The following DNAH10 variants were observed in gnomAD, a reference collection of about 807,000 sequenced individuals.
DNAH10 encodes axonemal beta dynein heavy chain 10.
Under a neutral mutation model 506.6 loss-of-function variants are expected in DNAH10, and 348 were observed. That is an observed-to-expected ratio of 0.69 (90% confidence interval 0.63 to 0.75). The LOEUF (loss-of-function observed/expected upper bound fraction) is 0.75. Among genes scored for constraint, DNAH10 ranks in the 30% least tolerant of loss-of-function variants. The pLI is 0.00. For missense variants in DNAH10, 5,179 were observed against 5,787.1 expected (o/e 0.89, Z 3.41); for synonymous variants, 2,059 against 2,198.6 (o/e 0.94, Z 1.78).
chr12:123,764,595 T>C (rs1388023007), intron 1 of DNAH10, among the ~76,000 whole-genome samples: 1 of 152,184 alleles, frequency 6.6e-6, no homozygotes, highest in African/African-American at 2.4e-5. Context: ...TTGTCTGCTG[T>C]GTTTACTAGC....
intron 50 of DNAH10, among the ~76,000 whole-genome samples, chr12:123,881,139 G>A (rs1223574497): frequency 6.6e-6 from 1 of 152,158 alleles, no homozygotes; most frequent in Non-Finnish European, 1.5e-5. Context: ...ATAGCAGCAT[G>A]ATTTGTAATC....
intron 52 of DNAH10, among the ~76,000 whole-genome samples, chr12:123,892,708 GA>G (rs1344410991): frequency 6.6e-6 from 1 of 152,220 alleles, no homozygotes; most frequent in Non-Finnish European, 1.5e-5. Context: ...GTAGATATAG[GA>G]AAAAAGAAGT....
In DNAH10 at chr12:123,820,571, A is replaced by G. The variant is rs1398140776; in HGVS notation, c.4001-9A>G. On this transcript the variant is annotated splice_polypyrimidine_tract_variant and intron_variant, in intron 23 of 78. Coordinates refer to ENST00000673944, the MANE Select transcript of DNAH10 (RefSeq NM_001372106.1). ...TATTTATTCACTCATCGGTGTATTT[A>G]TTTACTAGGAGTAGAGCTTTTAGGT... The G allele has an allele frequency of 6.2e-7, 1 of 1,611,970 alleles. No homozygotes were observed. Among genetic ancestry groups the G allele is most frequent in the Non-Finnish European group, 8.5e-7 (1 of 1,179,102 alleles).
chr12:123,826,152 T>G (rs1653904767), intron 24 of DNAH10, among the ~76,000 whole-genome samples: 1 of 152,150 alleles, frequency 6.6e-6, no homozygotes, highest in African/African-American at 2.4e-5. Flanking sequence ...ATTTTTACAT[T>G]AAATCTCAGG....
chr12:123,841,700 T>G (rs1950782004), intron 30 of DNAH10, among the ~76,000 whole-genome samples, 155 bp downstream of exon 30: 1 of 152,178 alleles, frequency 6.6e-6, no homozygotes, highest in African/African-American at 2.4e-5. Flanking sequence ...TTTATTTTTA[T>G]TTTTTTGAGA....
chr12:123,923,571 G>A (rs1287029801), intron 65 of DNAH10, 192 bp from the exon 66 acceptor site: 2 of 496,496 alleles, frequency 4.0e-6, no homozygotes, highest in African/African-American at 4.0e-5. Flanking sequence ...ACAGACTGGG[G>A]CATGACCTAG....
intron 29 of DNAH10, among the ~76,000 whole-genome samples, chr12:123,840,394 GTTTTTTTT>G (rs71088961): frequency 1.1e-4 from 4 of 37,758 alleles, no homozygotes; most frequent in African/African-American, 3.6e-4. Context: ...TCTGTTTCCA[GTTTTTTTT>G]TTTTTTTTTT....
At chr12:123,870,840 G>A (rs1594246639) in intron 44 of DNAH10, among the ~76,000 whole-genome samples, 1 of 152,234 alleles carries the variant, frequency 6.6e-6, no homozygotes, top group East Asian at 1.9e-4. Flanking sequence ...AACGAACGAG[G>A]CAGTGTTTTA....
In DNAH10 at chr12:123,875,252, C is replaced by T; in HGVS notation, c.7960C>T (p.Gln2654Ter). 6.2e-7 allele frequency: 1 copy of T among 1,611,202 alleles called. No homozygotes were observed. Among genetic ancestry groups the T allele is most frequent in the Non-Finnish European group, 8.5e-7 (1 of 1,178,478 alleles). ...CAAGGTGGATGAATATGGCACGCAG[C>T]AGCCCATTGCCTTGCTGAAGCTGCT... ...MPRVDEYGTQQPIALLKLLLE... is the reference protein window; with the variant it reads ...MPRVDEYGTQ The change falls in exon 47 of 79, where the codon CAG becomes TAG. Residue 2654 changes from glutamine to a stop codon, truncating the protein, a stop_gained. Coordinates refer to ENST00000673944, the MANE Select transcript of DNAH10 (RefSeq NM_001372106.1). LOFTEE classifies it high-confidence loss of function.
In DNAH10 at chr12:123,928,936, T is replaced by C. The variant is rs1278646257; in HGVS notation, c.12307-339T>C. The C allele has an allele frequency of 8.5e-6, 4 of 472,792 alleles. No homozygotes were observed. The highest frequency in any genetic ancestry group is 1.5e-5 in the Non-Finnish European group (4 of 266,798). The allele number at this position is 472,792 out of a possible 1,614,324, so 29.3% of individuals were successfully genotyped here. The stretch of plus-strand genomic sequence containing the variant: ...CGTGGTTTACATGCCCCATTTAATT[T>C]ATTCTCCGGGAAATTCTTTTGGAAA... On this transcript the variant is annotated intron_variant, in intron 70 of 78. Coordinates refer to ENST00000673944, the MANE Select transcript of DNAH10 (RefSeq NM_001372106.1). The surrounding 1 kb of genome is among the most constrained non-coding windows in gnomAD (Gnocchi z 4.9).
Position 123,866,034 on chromosome 12 carries a change from A to G in DNAH10, c.7128A>G (p.Arg2376=). ...TGGATCCTAAAAACTTGAAATATCGACCATACTGGAAAAAATGGGTTAATC... is the reference window on the plus strand; with the variant it reads ...TGGATCCTAAAAACTTGAAATATCGGCCATACTGGAAAAAATGGGTTAATC... ...VYVDPKNLKY[R]PYWKKWVNQI... The change falls in exon 41 of 79, where the codon CGA becomes CGG. Residue 2376 remains arginine (R), a synonymous_variant. Coordinates refer to ENST00000673944, the MANE Select transcript of DNAH10 (RefSeq NM_001372106.1). 6.2e-7 allele frequency: 1 copy of G among 1,611,512 alleles called. No individual in the cohort carries two copies. Among genetic ancestry groups the G allele is most frequent in the African/African-American group, 1.3e-5 (1 of 74,916 alleles).
chr12:123,896,336 T>C (rs879331232), intron 54 of DNAH10, among the ~76,000 whole-genome samples: 1 of 152,202 alleles, frequency 6.6e-6, no homozygotes, highest in East Asian at 1.9e-4. Flanking sequence ...CTGCAGAATC[T>C]GGATTAATCG....
At chr12:123,843,654 T>G (rs2136636960) in intron 30 of DNAH10, among the ~76,000 whole-genome samples, 1 of 152,348 alleles carries the variant, frequency 6.6e-6, no homozygotes, top group South Asian at 2.1e-4. Context: ...CTCGGCTTAC[T>G]ACAACCTCCG....
Position 123,853,693 on chromosome 12 carries a change from T to A in DNAH10, c.6438+341T>A, listed in dbSNP as rs1460427291. 6.6e-6 allele frequency among the ~76,000 whole-genome samples: 1 copy of A among 152,166 alleles called. No individual in the cohort carries two copies. The highest frequency in any genetic ancestry group is 1.5e-5 in the Non-Finnish European group (1 of 68,026). ...ATGAAGGTGAGTTGTTATTTTCTCT[T>A]TGAAACAAAAGAGGGGAACAATTGT... On this transcript the variant is annotated intron_variant, in intron 36 of 78. Transcript: ENST00000673944. This position sits in a 1 kb window ranked among gnomAD's most constrained non-coding sequence, Gnocchi z 4.7.
At chr12:123,890,256 T>A (rs908036508) in intron 52 of DNAH10, among the ~76,000 whole-genome samples, 7 of 152,118 alleles carry the variant, frequency 4.6e-5, no homozygotes, top group Middle Eastern at 3.4e-3. Context: ...ATGGGTTTTT[T>A]AATTTTTTAG....
At chr12:123,777,106 G>C (rs74711663) in intron 5 of DNAH10, among the ~76,000 whole-genome samples, 435 of 152,234 alleles carry the variant, frequency 2.9e-3, no homozygotes, top group Admixed American at 6.8e-3. Flanking sequence ...CTTTTGCTTG[G>C]ACTATCGCAG....
In DNAH10 at chr12:123,855,150, A is replaced by G. The variant is rs553830095; in HGVS notation, c.6438+1798A>G. On this transcript the variant is annotated intron_variant, in intron 36 of 78. Coordinates refer to ENST00000673944, the MANE Select transcript of DNAH10 (RefSeq NM_001372106.1). ...CTCCTGTGTTGAGTCTGGGAGGCAG[A>G]ACAAAAGGAAAAGTGGCCTTTTCCA... Among the ~76,000 whole-genome samples, 252 of 152,268 alleles carry G rather than the reference A, an allele frequency of 1.7e-3. 2 individuals are homozygous for G. Among genetic ancestry groups the G allele is most frequent in the African/African-American group, 5.8e-3 (243 of 41,560 alleles).
At position 123,902,611 on chromosome 12, in the gene DNAH10, G is replaced by A. The variant is rs1953574269; in HGVS notation, c.9641-328G>A. 6.6e-6 allele frequency among the ~76,000 whole-genome samples: 1 copy of A among 152,186 alleles called. No homozygotes were observed. On this transcript the variant is annotated intron_variant, in intron 56 of 78. Transcript: ENST00000673944. The surrounding 1 kb of genome is among the most constrained non-coding windows in gnomAD (Gnocchi z 4.5). ...TCGCAGGGAGCCGGTAAGCAGGAGG[G>A]GGACCCCAGCATCCTCACTGAACAC...
Position 123,787,739 on chromosome 12 carries a change from C to T in DNAH10, c.1422-65C>T, listed in dbSNP as rs952993665. On this transcript the variant is annotated intron_variant, in intron 9 of 78. Transcript: ENST00000673944. This position sits in a 1 kb window ranked among gnomAD's most constrained non-coding sequence, Gnocchi z 4.6. ...CTTCACGGGACACTGGCTCCCCAGC[C>T]GGGGAGTGCGGCTCGGACCCGGAGC... 7 of 1,554,136 alleles carry T rather than the reference C, an allele frequency of 4.5e-6. No homozygotes were observed. Among genetic ancestry groups the T allele is most frequent in the South Asian group, 1.2e-5 (1 of 85,524 alleles).
Sources: allele counts gnomAD v4.1 joint callset (sites outside exome capture counted in the v4.1 genomes callset), GRCh38; gene constraint gnomAD v4.1.1; non-coding constraint Gnocchi (gnomAD v3.1); transcripts MANE v1.5; gene names NCBI Gene and HGNC (gene_info 2026-07-23, HGNC 2026-07-21).